KCNH8: variants seen among roughly 807,000 people sequenced by gnomAD.
KCNH8 encodes the protein voltage-gated delayed rectifier potassium channel KCNH8.
A neutral mutation model predicts 103.6 loss-of-function variants in KCNH8; 70 were observed. The observed-to-expected ratio is 0.68, with a 90% confidence interval of 0.56 to 0.82. The LOEUF is 0.82. Among genes scored for constraint, KCNH8 ranks in the 40% least tolerant of loss-of-function variants. The probability of loss-of-function intolerance (pLI) is 0.00; values close to 1 mark genes in which losing one functional copy is unlikely to be tolerated. For missense variants in KCNH8, 1,217 were observed against 1,329.9 expected (o/e 0.92, Z 1.32); for synonymous variants, 498 against 489.4 (o/e 1.02, Z -0.23).
chr3:19,282,585 T>A (rs533726523), intron 3 of KCNH8, among the ~76,000 whole-genome samples: 3 of 151,632 alleles, frequency 2.0e-5, no homozygotes, highest in African/African-American at 7.2e-5. Flanking sequence ...AATACATGAC[T>A]TTTTTTTGCT....
rs142631555 is a variant in KCNH8, at chr3:19,533,889, G to A, written c.3114G>A (p.Ser1038=). The part of the protein sequence containing the change: ...ATLSSSVCSS[S]ETSLHLVLPS... ...TCTCATCTTCTGTCTGCTCCTCTTCGGAAACATCTTTGCACCTAGTTCTCC... is the reference window on the plus strand; with the variant it reads ...TCTCATCTTCTGTCTGCTCCTCTTCAGAAACATCTTTGCACCTAGTTCTCC... The change falls in exon 16 of 16, where the codon TCG becomes TCA. Residue 1038 remains serine (S), a synonymous_variant. Transcript: ENST00000328405. 7,772 of 1,613,996 alleles carry A rather than the reference G, an allele frequency of 4.8e-3. 30 individuals are homozygous for A. The highest frequency in any genetic ancestry group is 5.5e-3 in the Non-Finnish European group (6,474 of 1,180,004).
intron 3 of KCNH8, among the ~76,000 whole-genome samples, chr3:19,312,887 C>T (rs530730940): frequency 4.2e-4 from 64 of 152,004 alleles, no homozygotes; most frequent in East Asian, 7.8e-4. Flanking sequence ...TTTGAGAGTA[C>T]CTTGTGTAGT....
chr3:19,441,184 C>T (rs1646319115), intron 8 of KCNH8, among the ~76,000 whole-genome samples: 1 of 152,158 alleles, frequency 6.6e-6, no homozygotes, highest in Admixed American at 6.5e-5. Flanking sequence ...CAGTCAGGGG[C>T]ACTATCTTGT....
intron 11 of KCNH8, among the ~76,000 whole-genome samples, chr3:19,463,793 C>T (rs1226645800): frequency 6.6e-6 from 1 of 152,014 alleles, no homozygotes. Flanking sequence ...TGGGGATGTT[C>T]ATTGTAGCTC....
chr3:19,509,855 G>A (rs1374808012), intron 11 of KCNH8, among the ~76,000 whole-genome samples: 1 of 151,920 alleles, frequency 6.6e-6, no homozygotes, highest in Non-Finnish European at 1.5e-5. Context: ...GAGCGTTCAG[G>A]CAAAAAGAGA....
At chr3:19,326,833 C>T (rs1031992587) in intron 3 of KCNH8, among the ~76,000 whole-genome samples, 6 of 152,136 alleles carry the variant, frequency 3.9e-5, no homozygotes, top group African/African-American at 1.4e-4. Context: ...TTTTATGATT[C>T]TGTGGGTTAG....
At chr3:19,431,135 C>T (rs754514156) in intron 7 of KCNH8, among the ~76,000 whole-genome samples, 4 of 152,226 alleles carry the variant, frequency 2.6e-5, no homozygotes, top group Non-Finnish European at 5.9e-5. Flanking sequence ...ACATATGGCT[C>T]TTATTATTTT....
intron 11 of KCNH8, among the ~76,000 whole-genome samples, chr3:19,484,768 T>C (rs774745937): frequency 2.6e-5 from 4 of 152,168 alleles, no homozygotes; most frequent in Non-Finnish European, 4.4e-5. Context: ...GAGAATAAGC[T>C]GATGGGACAC....
At position 19,512,965 on chromosome 3, in the gene KCNH8, T is replaced by A; in HGVS notation, c.2080-5T>A. 1 of 1,611,358 alleles carries A rather than the reference T, an allele frequency of 6.2e-7. No individual in the cohort carries two copies. The highest frequency in any genetic ancestry group is 1.1e-5 in the South Asian group (1 of 90,770). The stretch of plus-strand genomic sequence containing the variant: ...TGTACTAATTTATATTATCCACTGA[T>A]TTAGTCAGAGCCCAAGGGAAATGGC... On this transcript the variant is annotated splice_region_variant and splice_polypyrimidine_tract_variant and intron_variant, in intron 12 of 15. Transcript: ENST00000328405.
chr3:19,318,023 A>T (rs1439314589), intron 3 of KCNH8, among the ~76,000 whole-genome samples: 1 of 152,048 alleles, frequency 6.6e-6, no homozygotes, highest in Admixed American at 6.6e-5. Context: ...ATAGGAATAG[A>T]GGAAGTCAAA....
chr3:19,241,008 T>G (rs547550880), intron 1 of KCNH8, among the ~76,000 whole-genome samples: 1 of 152,182 alleles, frequency 6.6e-6, no homozygotes, highest in South Asian at 2.1e-4. Flanking sequence ...GCTCTTGTTC[T>G]TCTATAGCCT....
intron 3 of KCNH8, among the ~76,000 whole-genome samples, chr3:19,315,588 C>G (rs1351655496): frequency 2.0e-5 from 3 of 151,914 alleles, no homozygotes; most frequent in Non-Finnish European, 4.4e-5. Context: ...CTTTGTAGAT[C>G]TATTTAGATG....
At chr3:19,497,840 T>C (rs1234717380) in intron 11 of KCNH8, among the ~76,000 whole-genome samples, 1 of 152,204 alleles carries the variant, frequency 6.6e-6, no homozygotes, top group Non-Finnish European at 1.5e-5. Flanking sequence ...CAATGGGGTA[T>C]TGAAGTCTCC....
chr3:19,161,078 G>T (rs1295319164), intron 1 of KCNH8, among the ~76,000 whole-genome samples: 1 of 152,136 alleles, frequency 6.6e-6, no homozygotes, highest in Non-Finnish European at 1.5e-5. Context: ...CTGTGAAATT[G>T]TGATGGGAAA....
At chr3:19,501,844 C>T (rs1214715379) in intron 11 of KCNH8, among the ~76,000 whole-genome samples, 1 of 152,076 alleles carries the variant, frequency 6.6e-6, no homozygotes, top group East Asian at 1.9e-4. Context: ...AAACTGGAAG[C>T]ATTCCCTTTG....
intron 5 of KCNH8, among the ~76,000 whole-genome samples, chr3:19,385,090 G>A (rs1395760457): frequency 2.6e-5 from 4 of 152,110 alleles, no homozygotes; most frequent in African/African-American, 9.7e-5. Flanking sequence ...TGAACTTGAC[G>A]ACTGATCTCA....
intron 3 of KCNH8, among the ~76,000 whole-genome samples, chr3:19,332,048 C>T (rs767056685): frequency 4.9e-5 from 7 of 143,414 alleles, no homozygotes; most frequent in East Asian, 2.0e-4. Context: ...TTTTGCATTA[C>T]GTTAGTTTTT....
intron 1 of KCNH8, among the ~76,000 whole-genome samples, chr3:19,206,936 A>C (rs2063722811): frequency 6.6e-6 from 1 of 152,050 alleles, no homozygotes; most frequent in South Asian, 2.1e-4. Context: ...AGACAGGGAG[A>C]CTGGAGGAAA....
At chr3:19,456,102 G>A (rs1286686172) in intron 10 of KCNH8, among the ~76,000 whole-genome samples, 1 of 151,860 alleles carries the variant, frequency 6.6e-6, no homozygotes, top group Non-Finnish European at 1.5e-5. Flanking sequence ...CACACCATGT[G>A]GCTATGTATT....
Sources: allele counts gnomAD v4.1 joint callset (sites outside exome capture counted in the v4.1 genomes callset), GRCh38; gene constraint gnomAD v4.1.1; transcripts MANE v1.5; gene names NCBI Gene and HGNC (gene_info 2026-07-23, HGNC 2026-07-21).